Variants in TSGA13 observed in about 807,000 individuals in gnomAD.
The protein encoded by TSGA13 is testis specific 13.
In TSGA13, 37 loss-of-function variants were observed where a neutral mutation model predicts 35.1. The observed-to-expected ratio is 1.05, with a 90% CI of 0.81 to 1.39. The LOEUF is 1.39. TSGA13 is among the 40% of genes most tolerant of loss of function. The pLI is 0.00. For synonymous variants in TSGA13, 124 were observed against 121.2 expected, an observed-to-expected ratio of 1.02 and a Z score of -0.15; for missense variants, 338 against 328.5, an observed-to-expected ratio of 1.03 and a Z score of -0.22.
Position 130,668,682 on chromosome 7 carries a change from C to T in TSGA13, c.*332G>A. The T allele has an allele frequency of 1.3e-6, 2 of 1,533,430 alleles. No individual in the cohort carries two copies. Among genetic ancestry groups the T allele is most frequent in the Non-Finnish European group, 8.8e-7 (1 of 1,141,576 alleles). 95.0% of individuals were successfully genotyped at this position (1,533,430 alleles called of 1,614,324 possible). On this transcript the variant is annotated 3_prime_UTR_variant, in exon 8 of 8. Coordinates refer to ENST00000356588, the MANE Select transcript of TSGA13 (RefSeq NM_052933.4). ...TTTTTTAATCATCTTGGACGACTTC[C>T]CAGCGCCCAGACCCACCGCAACCGT...
chr7:130,680,836 G>T, intron 4 of TSGA13, 110 bp downstream of exon 4: 3 of 994,934 alleles, frequency 3.0e-6, no homozygotes, highest in Admixed American at 1.9e-5. Flanking sequence ...AGTACGCACA[G>T]TCACAGAAGC....
chr7:130,670,928 T>C (rs1796252892), intron 7 of TSGA13, among the ~76,000 whole-genome samples: 1 of 152,174 alleles, frequency 6.6e-6, no homozygotes. Context: ...GTCAAGGCCT[T>C]TTATGATCTG....
Position 130,679,209 on chromosome 7 carries a change from T to C in TSGA13, c.333A>G (p.Gln111=), listed in dbSNP as rs1270720186. The C allele has an allele frequency of 6.2e-7, 1 of 1,614,078 alleles. No homozygotes were observed. The highest frequency in any genetic ancestry group is 8.5e-7 in the Non-Finnish European group (1 of 1,180,038). ...AATATTTTGATGCACTCTCCTTGTC[T>C]TGCTGGGTGATTGAGCAGGGAGGTG... is the stretch of plus-strand genomic sequence containing the variant. ...NNPPPCSITQ[Q]DKESASKYFS... Residue 111 remains glutamine, a synonymous_variant, in exon 5 of 8, where the codon CAA becomes CAG. Transcript: ENST00000356588.
In TSGA13 at chr7:130,672,891, G is replaced by A. The variant is rs782516730; in HGVS notation, c.388-15C>T. 5.5e-5 allele frequency: 89 copies of A among 1,610,590 alleles called. No homozygotes were observed. In the Middle Eastern group the frequency reaches 9.9e-4, roughly 18 times the overall value. ...TGATGACTTTCCTGTAGGGAAACGA[G>A]GGAAGAAGAGTGAGGGAGTAAGCTG... On this transcript the variant is annotated splice_polypyrimidine_tract_variant and intron_variant, in intron 5 of 7. Transcript: ENST00000356588.
Position 130,685,363 on chromosome 7 carries a change from G to T in TSGA13, c.-150-3C>A. 1 of 1,440,272 alleles carries T rather than the reference G, an allele frequency of 6.9e-7. No homozygotes were observed. Among genetic ancestry groups the T allele is most frequent in the Middle Eastern group, 1.9e-4 (1 of 5,392 alleles). 89.2% of individuals were successfully genotyped at this position (1,440,272 alleles called of 1,614,324 possible). On this transcript the variant is annotated splice_region_variant and splice_polypyrimidine_tract_variant and intron_variant, in intron 1 of 7. Coordinates refer to ENST00000356588, the MANE Select transcript of TSGA13 (RefSeq NM_052933.4). ...GTACTCATGCCCCATTCTTGAGCCT[G>T]TATGGGAAACAAGAAAAGACTGATA... is the stretch of plus-strand genomic sequence containing the variant.
At chr7:130,680,180 A>AC (rs1401315236) in intron 4 of TSGA13, among the ~76,000 whole-genome samples, 1 of 152,184 alleles carries the variant, frequency 6.6e-6, no homozygotes, top group Admixed American at 6.5e-5. Context: ...AGGCACAACC[A>AC]CATTGACATG....
chr7:130,683,036 G>A (rs959685758), intron 3 of TSGA13, among the ~76,000 whole-genome samples: 1 of 151,998 alleles, frequency 6.6e-6, no homozygotes, highest in Admixed American at 6.6e-5. Flanking sequence ...TCTCTTACAG[G>A]TTTTTTAAAA....
At chr7:130,680,386 T>A (rs1470590044) in intron 4 of TSGA13, among the ~76,000 whole-genome samples, 1 of 151,696 alleles carries the variant, frequency 6.6e-6, no homozygotes, top group Admixed American at 6.6e-5. Context: ...GGCGCCTATA[T>A]TCCCAGCTAC....
Position 130,668,742 on chromosome 7 carries a change from C to T in TSGA13, c.*272G>A, listed in dbSNP as rs1563076639. ...CGCAGCCGGCGAGCGGAAGAGGCTG[C>T]AGGAAGGCCGGCCCCGCGCTCTCAC... On this transcript the variant is annotated 3_prime_UTR_variant, in exon 8 of 8. Transcript: ENST00000356588. The T allele has an allele frequency of 7.5e-6, 11 of 1,475,334 alleles. No homozygotes were observed. The highest frequency in any genetic ancestry group is 2.6e-5 in the South Asian group (2 of 77,488). The allele number at this position is 1,475,334 out of a possible 1,614,324, so 91.4% of individuals were successfully genotyped here.
chr7:130,674,951 T>C (rs1796375464), intron 5 of TSGA13, among the ~76,000 whole-genome samples: 1 of 152,172 alleles, frequency 6.6e-6, no homozygotes. Flanking sequence ...ATTTGAGTTA[T>C]CTTAAATAAT....
intron 7 of TSGA13, among the ~76,000 whole-genome samples, chr7:130,670,468 T>C (rs1554462789): frequency 6.6e-6 from 1 of 152,120 alleles, no homozygotes; most frequent in East Asian, 1.9e-4. Context: ...GCTGGTGAAG[T>C]CTGAGGACCC....
At chr7:130,672,456 T>C (rs2288081) in intron 6 of TSGA13, among the ~76,000 whole-genome samples, 120,676 of 151,636 alleles carry the variant, frequency 0.8, 48,276 homozygotes, top group Non-Finnish European at 0.85. Flanking sequence ...CTAACTTGTA[T>C]TGAGGGTACT....
intron 7 of TSGA13, 145 bp from the exon 8 acceptor site, chr7:130,669,328 C>T (rs1238393410): frequency 1.9e-5 from 16 of 863,966 alleles, no homozygotes; most frequent in South Asian, 4.1e-5. Context: ...AATACCATTC[C>T]CAACCTATTT....
chr7:130,681,053 G>T, intron 3 of TSGA13, 36 bp from the exon 4 acceptor site: 1 of 1,577,890 alleles, frequency 6.3e-7, no homozygotes, highest in Non-Finnish European at 8.7e-7. Flanking sequence ...GTTTGAAGTT[G>T]CACCTATCCT....
chr7:130,677,906 C>T (rs2116315989), intron 5 of TSGA13, among the ~76,000 whole-genome samples: 1 of 152,318 alleles, frequency 6.6e-6, no homozygotes, highest in South Asian at 2.1e-4. Context: ...GTATATTCTT[C>T]TATTACTTTA....
intron 4 of TSGA13, among the ~76,000 whole-genome samples, chr7:130,680,379 G>A (rs185262462): frequency 7.7e-4 from 117 of 152,002 alleles, no homozygotes; most frequent in African/African-American, 2.7e-3. Context: ...AGTGGGGGGC[G>A]CCTATATTCC....
intron 5 of TSGA13, among the ~76,000 whole-genome samples, chr7:130,673,447 A>G (rs1554463662): frequency 6.6e-6 from 1 of 152,022 alleles, no homozygotes; most frequent in African/African-American, 2.4e-5. Flanking sequence ...CAAGTGCTCA[A>G]TCTTTCTTTA....
chr7:130,679,092 T>C, intron 5 of TSGA13, 63 bp downstream of exon 5: 1 of 1,319,804 alleles, frequency 7.6e-7, no homozygotes, highest in Non-Finnish European at 1.1e-6. Flanking sequence ...TTAACTTCCT[T>C]CTCAATGCTA....
At chr7:130,681,890 G>T (rs1554465133) in intron 3 of TSGA13, among the ~76,000 whole-genome samples, 2 of 152,076 alleles carry the variant, frequency 1.3e-5, no homozygotes, top group African/African-American at 4.8e-5. Context: ...AAAAAAAGAA[G>T]AGTGCATCAT....
Sources: allele counts gnomAD v4.1 joint callset (sites outside exome capture counted in the v4.1 genomes callset), GRCh38; gene constraint gnomAD v4.1.1; transcripts MANE v1.5; gene names NCBI Gene and HGNC (gene_info 2026-07-23, HGNC 2026-07-21).